PTPRM: variants seen among roughly 807,000 people sequenced by gnomAD.
The protein encoded by PTPRM is protein tyrosine phosphatase receptor type M.
PTPRM carries 47 observed loss-of-function variants against 186.7 expected under a neutral mutation model. The observed-to-expected ratio is 0.25, with a 90% CI of 0.20 to 0.32. The LOEUF is 0.32. Ranked by LOEUF, PTPRM falls within the 10% of genes least tolerant of loss-of-function variation. The pLI, the probability that PTPRM is intolerant of heterozygous loss-of-function variation, is 1.00. For synonymous variants in PTPRM, 668 were observed against 674.9 expected (o/e 0.99, Z 0.16); for missense variants, 1,494 against 1,865.0 (o/e 0.80, Z 3.66).
chr18:8,401,687 T>C (rs1450786179), intron 32 of PTPRM, among the ~76,000 whole-genome samples: 4 of 152,250 alleles, frequency 2.6e-5, no homozygotes, highest in African/African-American at 9.6e-5. Context: ...ACAGGCAGCC[T>C]GCGCAGACGA....
intron 21 of PTPRM, among the ~76,000 whole-genome samples, chr18:8,318,566 G>A (rs1212348909): frequency 2.0e-5 from 3 of 152,086 alleles, no homozygotes; most frequent in African/African-American, 7.2e-5. Flanking sequence ...CCAAAGTGCT[G>A]GGATCACAGG....
chr18:7,901,722 A>G (rs1478897049), intron 3 of PTPRM, among the ~76,000 whole-genome samples: 5 of 152,166 alleles, frequency 3.3e-5, no homozygotes, highest in African/African-American at 1.2e-4. Context: ...AAATCTCTCA[A>G]TGGTTGGGTG....
At chr18:7,725,094 TCAC>T (rs1202027190) in intron 1 of PTPRM, among the ~76,000 whole-genome samples, 2 of 152,186 alleles carry the variant, frequency 1.3e-5, no homozygotes, top group Non-Finnish European at 2.9e-5. Flanking sequence ...TTCTGGTTAT[TCAC>T]CACATCTAAA....
chr18:7,732,159 C>T (rs762363789), intron 1 of PTPRM, among the ~76,000 whole-genome samples: 9 of 152,152 alleles, frequency 5.9e-5, no homozygotes, highest in South Asian at 2.1e-4. Flanking sequence ...CAGGTTCCTT[C>T]TTTGCCTTCT....
At chr18:8,008,559 A>T (rs976695637) in intron 7 of PTPRM, among the ~76,000 whole-genome samples, 5 of 152,166 alleles carry the variant, frequency 3.3e-5, no homozygotes, top group Admixed American at 6.5e-5. Flanking sequence ...GATGTTATTT[A>T]TTTGTACTTT....
rs541191835 is a variant in PTPRM at position 7,671,188 on chromosome 18, C to A, written c.74-102961C>A. Among the ~76,000 whole-genome samples the A allele has an allele frequency of 1.3e-4, 20 of 152,280 alleles. No individual in the cohort carries two copies. The South Asian group carries it at 4.1e-3, about 32-fold the overall frequency. On this transcript the variant is annotated intron_variant, in intron 1 of 32. Coordinates refer to ENST00000580170, the MANE Select transcript of PTPRM (RefSeq NM_001105244.2). ...TGTTTTTCATTCCCCACCCCCGATT[C>A]AGAGAGACAGGTAATTATATACACA...
At chr18:7,716,185 A>G (rs192808844) in intron 1 of PTPRM, among the ~76,000 whole-genome samples, 1 of 152,282 alleles carries the variant, frequency 6.6e-6, no homozygotes, top group South Asian at 2.1e-4. Context: ...GGAACAGAAC[A>G]GAGGCCTCAG....
chr18:7,891,736 A>G (rs1017856520), intron 3 of PTPRM, among the ~76,000 whole-genome samples: 2 of 152,066 alleles, frequency 1.3e-5, no homozygotes, highest in Non-Finnish European at 2.9e-5. Context: ...TTAGCTGGGC[A>G]TGGTGGTGCG....
chr18:7,899,725 C>G (rs765754223), intron 3 of PTPRM, among the ~76,000 whole-genome samples: 6 of 152,062 alleles, frequency 3.9e-5, no homozygotes, highest in Non-Finnish European at 8.8e-5. Context: ...GTTACTAATT[C>G]TCAGTAGTTT....
At chr18:7,571,341 G>A (rs943197438) in intron 1 of PTPRM, among the ~76,000 whole-genome samples, 12 of 152,200 alleles carry the variant, frequency 7.9e-5, no homozygotes, top group African/African-American at 2.4e-4. Context: ...AAAAATAACT[G>A]GTAAGATGGT....
rs1238052890 is a variant in PTPRM, at chr18:8,376,152, T to G, written c.3278T>G (p.Val1093Gly). The change falls in exon 25 of 33, where the codon GTC becomes GGC. Residue 1093 changes from valine to glycine, a missense_variant. By Grantham distance (109) the Val-to-Gly change is moderately radical. Around this residue, in one of 3 missense-constraint regions of PTPRM, gnomAD observed 1,107 missense variants for 1,350.2 expected, o/e 0.82. Coordinates refer to ENST00000580170, the MANE Select transcript of PTPRM (RefSeq NM_001105244.2). The stretch of plus-strand genomic sequence containing the variant: ...GGCCTGCTGGGATTCGTGCGGCAAG[T>G]CAAGTCCAAGAGCCCGCCCAGTGCA... ...ATGLLGFVRQ[V>G]KSKSPPSAGP... 1 of 1,613,774 alleles carries G rather than the reference T, an allele frequency of 6.2e-7. No homozygotes were observed. Among genetic ancestry groups the G allele is most frequent in the Non-Finnish European group, 8.5e-7 (1 of 1,179,972 alleles).
chr18:7,585,728 C>T (rs2036962671), intron 1 of PTPRM, among the ~76,000 whole-genome samples: 1 of 152,124 alleles, frequency 6.6e-6, no homozygotes, highest in Non-Finnish European at 1.5e-5. Flanking sequence ...TAACCATGGC[C>T]ACTCCTCTTG....
intron 2 of PTPRM, among the ~76,000 whole-genome samples, chr18:7,821,191 T>C (rs2045172953): frequency 6.6e-6 from 1 of 152,112 alleles, no homozygotes; most frequent in Non-Finnish European, 1.5e-5. Context: ...GGCAATCCCA[T>C]AATAGTCTAC....
chr18:8,365,283 G>A (rs2095621602), intron 23 of PTPRM, among the ~76,000 whole-genome samples: 1 of 152,190 alleles, frequency 6.6e-6, no homozygotes. Context: ...CCCTAGGCCT[G>A]CCTGTTGCTT....
At chr18:7,667,803 G>C (rs112488627) in intron 1 of PTPRM, among the ~76,000 whole-genome samples, 1 of 152,066 alleles carries the variant, frequency 6.6e-6, no homozygotes, top group Non-Finnish European at 1.5e-5. Flanking sequence ...ATTGTATAAT[G>C]AGGGCAGAAA....
chr18:7,862,547 C>A (rs1025228153), intron 2 of PTPRM, among the ~76,000 whole-genome samples: 7 of 152,116 alleles, frequency 4.6e-5, no homozygotes, highest in African/African-American at 1.7e-4. Context: ...CCAGGGATTT[C>A]TCTGATTCCA....
intron 2 of PTPRM, among the ~76,000 whole-genome samples, chr18:7,827,325 G>A (rs921941467): frequency 1.1e-4 from 17 of 151,940 alleles, no homozygotes; most frequent in African/African-American, 3.6e-4. Flanking sequence ...CATAGCTGTC[G>A]AATCGATTTC....
At chr18:7,908,598 C>T (rs1288193101) in intron 4 of PTPRM, among the ~76,000 whole-genome samples, 2 of 152,084 alleles carry the variant, frequency 1.3e-5, no homozygotes, top group African/African-American at 4.8e-5. Context: ...TGAAGCTTGC[C>T]AAACATTGAA....
intron 14 of PTPRM, among the ~76,000 whole-genome samples, chr18:8,224,235 G>T (rs556021258): frequency 6.6e-6 from 1 of 151,924 alleles, no homozygotes; most frequent in East Asian, 1.9e-4. Context: ...TAAGAATCAT[G>T]CAACTGCCAC....
Sources: allele counts gnomAD v4.1 joint callset (sites outside exome capture counted in the v4.1 genomes callset), GRCh38; gene constraint gnomAD v4.1.1; regional missense constraint gnomAD v4.1.1; transcripts MANE v1.5; gene names NCBI Gene and HGNC (gene_info 2026-07-23, HGNC 2026-07-21).